GPR158: variants seen among roughly 807,000 people sequenced by gnomAD.
The protein encoded by GPR158 is G protein-coupled receptor 158, also known as metabotropic glycine receptor.
GPR158 carries 30 observed loss-of-function variants against 78.2 expected under a neutral mutation model. That is an observed-to-expected ratio of 0.38 (90% CI 0.29 to 0.52). GPR158 has a LOEUF of 0.52. Among genes scored for constraint, GPR158 ranks in the 20% least tolerant of loss-of-function variants. GPR158 has a pLI of 0.83. For synonymous variants in GPR158, 581 were observed against 591.1 expected (o/e 0.98, Z 0.25); for missense variants, 1,463 against 1,523.5 (o/e 0.96, Z 0.66).
chr10:25,345,326 C>T (rs1158051379), intron 2 of GPR158, among the ~76,000 whole-genome samples: 2 of 151,948 alleles, frequency 1.3e-5, no homozygotes, highest in Admixed American at 1.3e-4. Flanking sequence ...GACAAGATAT[C>T]TGACTTCTAT....
intron 7 of GPR158, among the ~76,000 whole-genome samples, chr10:25,583,756 C>A (rs138168590): frequency 5.3e-5 from 8 of 151,894 alleles, no homozygotes. Flanking sequence ...AAAACCTAAA[C>A]GTTTTATCAT....
chr10:25,485,022 G>A lies in GPR158; in HGVS notation c.1404+18303G>A, dbSNP rs537428479. 1.7e-4 allele frequency among the ~76,000 whole-genome samples: 26 copies of A among 152,104 alleles called. No homozygotes were observed. The South Asian group carries it at 2.9e-3, about 17-fold the overall frequency. On this transcript the variant is annotated intron_variant, in intron 5 of 10. Transcript: ENST00000376351. ...AGACGACTAATACTGTGATGTCTAC[G>A]TTTATCTCTGTGGTCTTATAGGTGA...
chr10:25,508,658 A>T (rs59851544), intron 5 of GPR158, among the ~76,000 whole-genome samples: 3,822 of 152,236 alleles, frequency 0.025, 181 homozygotes, highest in African/African-American at 0.086. Context: ...AGTCGGGGGT[A>T]GGGGAAGTCA....
intron 2 of GPR158, among the ~76,000 whole-genome samples, chr10:25,358,500 G>A (rs1396346375): frequency 6.6e-6 from 1 of 152,060 alleles, no homozygotes; most frequent in East Asian, 1.9e-4. Context: ...CTGTTCATGT[G>A]TAGGTGAATA....
intron 2 of GPR158, among the ~76,000 whole-genome samples, chr10:25,381,993 G>A (rs1258434421): frequency 6.6e-6 from 1 of 152,154 alleles, no homozygotes; most frequent in African/African-American, 2.4e-5. Flanking sequence ...TGCACAACAG[G>A]GTTCGGTAAG....
intron 4 of GPR158, among the ~76,000 whole-genome samples, chr10:25,434,159 TCAAAAAAA>T (rs1834964953): frequency 6.6e-6 from 1 of 151,936 alleles, no homozygotes; most frequent in South Asian, 2.1e-4. Flanking sequence ...AGACTCTGTC[TCAAAAAAA>T]CAAACAAACA....
At chr10:25,413,084 G>A (rs140133108) in intron 4 of GPR158, among the ~76,000 whole-genome samples, 1 of 152,136 alleles carries the variant, frequency 6.6e-6, no homozygotes, top group African/African-American at 2.4e-5. Flanking sequence ...ACATTGGGAG[G>A]CCAAGGCTGG....
intron 2 of GPR158, among the ~76,000 whole-genome samples, chr10:25,365,777 A>G (rs1394979988): frequency 1.3e-5 from 2 of 151,672 alleles, no homozygotes; most frequent in Non-Finnish European, 3.0e-5. Context: ...TCATAAAAGC[A>G]CATAATAAGT....
chr10:25,574,764 A>T (rs1035800751), intron 7 of GPR158, among the ~76,000 whole-genome samples: 25 of 152,280 alleles, frequency 1.6e-4, no homozygotes, highest in African/African-American at 6.0e-4. Context: ...ACACTCCTAT[A>T]ATCCCAGCTA....
chr10:25,295,561 C>G (rs1477819532), intron 2 of GPR158, among the ~76,000 whole-genome samples: 1 of 152,084 alleles, frequency 6.6e-6, no homozygotes, highest in East Asian at 1.9e-4. Context: ...CTACAGGCGC[C>G]CGCCACTACG....
chr10:25,297,691 A>G (rs1854536123), intron 2 of GPR158, among the ~76,000 whole-genome samples: 1 of 152,184 alleles, frequency 6.6e-6, no homozygotes, highest in South Asian at 2.1e-4. Flanking sequence ...TTACTAGGCA[A>G]CATACTTATC....
chr10:25,300,104 G>T (rs575588631), intron 2 of GPR158, among the ~76,000 whole-genome samples: 2 of 152,302 alleles, frequency 1.3e-5, no homozygotes, highest in East Asian at 3.9e-4. Context: ...CCACATTTTA[G>T]TGGCTTAAAA....
chr10:25,483,454 C>A (rs1835686607), intron 5 of GPR158, among the ~76,000 whole-genome samples: 1 of 152,100 alleles, frequency 6.6e-6, no homozygotes, highest in South Asian at 2.1e-4. Context: ...TTGCAGCCTG[C>A]CCCACTCCTC....
intron 2 of GPR158, among the ~76,000 whole-genome samples, chr10:25,278,152 A>C (rs1427906410): frequency 1.3e-5 from 2 of 152,226 alleles, no homozygotes; most frequent in Non-Finnish European, 2.9e-5. Context: ...ATTTTAAAAC[A>C]CTTCAGATAT....
chr10:25,478,490 A>ATGTG (rs570190934), intron 5 of GPR158, among the ~76,000 whole-genome samples: 3 of 138,094 alleles, frequency 2.2e-5, no homozygotes, highest in African/African-American at 6.2e-5. Flanking sequence ...GAAATATATA[A>ATGTG]TGCGTGTGTG....
Position 25,371,305 on chromosome 10 carries a change from A to G in GPR158, c.1009-24606A>G, listed in dbSNP as rs1471438028. On this transcript the variant is annotated intron_variant, in intron 2 of 10. Transcript: ENST00000376351. The stretch of plus-strand genomic sequence containing the variant: ...TTGGAATGATTTTGCAGTGGCTGGT[A>G]CCAGTTGTTCCTTTCCATGTTTAGC... 4.0e-5 allele frequency among the ~76,000 whole-genome samples: 6 copies of G among 151,882 alleles called. No homozygotes were observed. In the East Asian group the frequency reaches 1.2e-3, roughly 30 times the overall value.
In GPR158 at chr10:25,175,662, A is replaced by T. The variant is rs745977042; in HGVS notation, c.242A>T (p.Asp81Val). Residue 81 changes from aspartate (D) to valine (V), a missense_variant, in exon 1 of 11, where the codon GAC (aspartate) becomes GTC (valine). Asp to Val is a radical substitution (Grantham distance 152). Coordinates refer to ENST00000376351, the MANE Select transcript of GPR158 (RefSeq NM_020752.3). The surrounding 1 kb of genome is among the most constrained non-coding windows in gnomAD (Gnocchi z 6.4). The stretch of plus-strand genomic sequence containing the variant: ...AAACTCGCCGAGGAGGTGCCCATGG[A>T]CGTGGCCTCTTACCTCTACACCGGG... ...AQKLAEEVPMDVASYLYTGDS... is the reference protein window; with the variant it reads ...AQKLAEEVPMVVASYLYTGDS... 3.7e-6 allele frequency: 6 copies of T among 1,611,374 alleles called. No homozygotes were observed. The Admixed American group carries it at 1.0e-4, about 27-fold the overall frequency.
intron 5 of GPR158, among the ~76,000 whole-genome samples, chr10:25,504,618 G>A (rs1244678863): frequency 3.3e-5 from 5 of 152,084 alleles, no homozygotes; most frequent in Admixed American, 3.3e-4. Context: ...CTACTTTCCC[G>A]GAGAGAAGTT....
chr10:25,369,095 C>A (rs1289310397), intron 2 of GPR158, among the ~76,000 whole-genome samples: 1 of 151,600 alleles, frequency 6.6e-6, no homozygotes, highest in Non-Finnish European at 1.5e-5. Context: ...TCTAGATATA[C>A]AATCATGTCA....
Sources: gnomAD v4.1 joint callset for allele counts (sites outside exome capture counted in the v4.1 genomes callset) on GRCh38, gnomAD v4.1.1 for gene constraint, Gnocchi (gnomAD v3.1) non-coding constraint, MANE v1.5 for transcripts, NCBI Gene and HGNC (gene_info 2026-07-23, HGNC 2026-07-21) for gene names.